DNAH6: variants seen among roughly 807,000 people sequenced by gnomAD.
DNAH6 encodes the protein dynein axonemal heavy chain 6.
In DNAH6, 340 loss-of-function variants were observed where a neutral mutation model predicts 491.4. The observed-to-expected ratio is 0.69, with a 90% CI of 0.63 to 0.76. The LOEUF is 0.76. DNAH6 is among the 30% of genes least tolerant of loss of function. DNAH6 has a pLI of 0.00. For synonymous variants in DNAH6, 1,603 were observed against 1,686.1 expected (o/e 0.95, Z 1.21); for missense variants, 4,443 against 4,972.2 (o/e 0.89, Z 3.20).
At chr2:84,777,317 A>T in intron 64 of DNAH6, 1 of 311,064 alleles carries the variant, frequency 3.2e-6, no homozygotes, top group Non-Finnish European at 6.5e-6. Context: ...CTTCAAACAG[A>T]TCTCTTCCTC....
At chr2:84,711,239 G>A (rs1035241551) in intron 56 of DNAH6, among the ~76,000 whole-genome samples, 2 of 152,186 alleles carry the variant, frequency 1.3e-5, no homozygotes, top group East Asian at 3.9e-4. Flanking sequence ...GATGAGCTCA[G>A]CCATATGCCA....
At position 84,670,478 on chromosome 2, in the gene DNAH6, A is replaced by G. The variant is rs2104665140; in HGVS notation, c.6454+3A>G. On this transcript the variant is annotated splice_donor_region_variant and intron_variant, in intron 39 of 76. Coordinates refer to ENST00000389394, the MANE Select transcript of DNAH6 (RefSeq NM_001370.2). ...GAGAAAAAGAAAAAATATTCTAGGT[A>G]AGAATCATTATTTTAGTTTGTCCCA... 1 of 1,505,436 alleles carries G rather than the reference A, an allele frequency of 6.6e-7. No individual in the cohort carries two copies. The highest frequency in any genetic ancestry group is 1.3e-5 in the South Asian group (1 of 78,302). The allele number at this position is 1,505,436 out of a possible 1,614,324, so 93.3% of individuals were successfully genotyped here.
At chr2:84,511,229 A>T in the DNAH6 span, among the ~76,000 whole-genome samples, 1 of 152,146 alleles carries the variant, frequency 6.6e-6, no homozygotes, top group Non-Finnish European at 1.5e-5. Context: ...ACCCAGTTCG[A>T]GCTTCCTGGC....
intron 76 of DNAH6, among the ~76,000 whole-genome samples, chr2:84,818,843 G>C (rs1573904074): frequency 6.6e-6 from 1 of 152,314 alleles, no homozygotes; most frequent in Admixed American, 6.5e-5. Flanking sequence ...GGAGGCCAAG[G>C]CAAGCGGATC....
chr2:84,565,787 C>T (rs1681136530), intron 11 of DNAH6, among the ~76,000 whole-genome samples: 1 of 151,818 alleles, frequency 6.6e-6, no homozygotes. Context: ...CCAATGTTGG[C>T]TGTGTATATA....
intron 63 of DNAH6, among the ~76,000 whole-genome samples, chr2:84,756,911 A>G (rs191988266): frequency 1.3e-5 from 2 of 152,336 alleles, no homozygotes; most frequent in South Asian, 2.1e-4. Context: ...GCAAAACATA[A>G]TAGAGTCACA....
At chr2:84,782,430 A>G (rs1478733262) in intron 65 of DNAH6, among the ~76,000 whole-genome samples, 1 of 152,168 alleles carries the variant, frequency 6.6e-6, no homozygotes, top group Non-Finnish European at 1.5e-5. Flanking sequence ...TGGAAAGGTG[A>G]AAGCTCTGCA....
At chr2:84,609,020 A>T (rs1421206927) in intron 21 of DNAH6, among the ~76,000 whole-genome samples, 1 of 152,174 alleles carries the variant, frequency 6.6e-6, no homozygotes, top group Non-Finnish European at 1.5e-5. Flanking sequence ...AGCTTCTTTC[A>T]GTCTCACGAA....
At position 84,557,818 on chromosome 2, in the gene DNAH6, T is replaced by C; in HGVS notation, c.1686T>C (p.Ala562=). The C allele has an allele frequency of 2.5e-6, 4 of 1,613,346 alleles. No individual in the cohort carries two copies. Among genetic ancestry groups the C allele is most frequent in the Admixed American group, 1.7e-5 (1 of 59,984 alleles). ...TCGTGCCTGATTCGTATTTTGATGC[T>C]TTCACCAGCCCTTATATTAACAACA... The part of the protein sequence containing the change: ...PNLVPDSYFD[A]FTSPYINNKL... Residue 562 remains alanine, a synonymous_variant, in exon 11 of 77, where the codon GCT becomes GCC. Transcript: ENST00000389394.
At chr2:84,727,964 A>G in intron 61 of DNAH6, 62 bp downstream of exon 61, 1 of 1,053,980 alleles carries the variant, frequency 9.5e-7, no homozygotes, top group Non-Finnish European at 1.4e-6. Flanking sequence ...CCCAAATCTC[A>G]TTTTGAATTG....
Position 84,640,677 on chromosome 2 carries a change from T to A in DNAH6, c.4970+99T>A. The A allele has an allele frequency of 2.5e-6, 3 of 1,185,710 alleles. No individual in the cohort carries two copies. In the South Asian group the frequency reaches 4.9e-5, roughly 19 times the overall value. The allele number at this position is 1,185,710 out of a possible 1,614,324, so 73.4% of individuals were successfully genotyped here. On this transcript the variant is annotated intron_variant, in intron 32 of 76. Coordinates refer to ENST00000389394, the MANE Select transcript of DNAH6 (RefSeq NM_001370.2). ...AGGCTCTCAGAGAGTAACTGATTAATAAATGTTGGCTGCTGCTGTTGTCAT... is the reference window on the plus strand; with the variant it reads ...AGGCTCTCAGAGAGTAACTGATTAAAAAATGTTGGCTGCTGCTGTTGTCAT...
chr2:84,608,422 A>G (rs1685988452), intron 21 of DNAH6, among the ~76,000 whole-genome samples: 1 of 152,230 alleles, frequency 6.6e-6, no homozygotes, highest in Non-Finnish European at 1.5e-5. Flanking sequence ...AAGACTTTCA[A>G]GTTGAAAGTA....
At chr2:84,463,644 AC>A in the DNAH6 span, among the ~76,000 whole-genome samples, 1 of 152,076 alleles carries the variant, frequency 6.6e-6, no homozygotes, top group African/African-American at 2.4e-5. Context: ...ATAAACAGGG[AC>A]AATTAGAGAT....
At chr2:84,740,288 G>A (rs1047098544) in intron 62 of DNAH6, among the ~76,000 whole-genome samples, 1 of 152,078 alleles carries the variant, frequency 6.6e-6, no homozygotes, top group Admixed American at 6.6e-5. Context: ...AGAACTGATG[G>A]GTACAAGCAG....
At chr2:84,607,199 G>A (rs1026495949) in intron 21 of DNAH6, 104 bp downstream of exon 21, 9 of 1,172,420 alleles carry the variant, frequency 7.7e-6, no homozygotes, top group Non-Finnish European at 1.1e-5. Context: ...GTTTTAAAAT[G>A]TAAGTTTTAA....
At chr2:84,630,236 C>G (rs974086944) in intron 29 of DNAH6, among the ~76,000 whole-genome samples, 3 of 152,150 alleles carry the variant, frequency 2.0e-5, no homozygotes, top group Admixed American at 2.0e-4. Flanking sequence ...AACAATATAT[C>G]TAGCAATGGC....
rs367850389 is a variant in DNAH6, at chr2:84,618,493, G to T, written c.3573-1192G>T. 2.7e-3 allele frequency among the ~76,000 whole-genome samples: 417 copies of T among 152,078 alleles called. 1 individual carries two copies. The highest frequency in any genetic ancestry group is 9.2e-3 in the African/African-American group (382 of 41,462). On this transcript the variant is annotated intron_variant, in intron 23 of 76. Coordinates refer to ENST00000389394, the MANE Select transcript of DNAH6 (RefSeq NM_001370.2). ...AGCTTTTCCCTGATGCAGGGATATT[G>T]CTAAGTTGACAATCAACAATCTAGA... is the stretch of plus-strand genomic sequence containing the variant.
Position 84,616,984 on chromosome 2 carries a change from T to C in DNAH6, c.3572+2T>C. 1 of 1,461,628 alleles carries C rather than the reference T, an allele frequency of 6.8e-7. No homozygotes were observed. Among genetic ancestry groups the C allele is most frequent in the Non-Finnish European group, 9.1e-7 (1 of 1,096,808 alleles). The allele number at this position is 1,461,628 out of a possible 1,614,324, so 90.5% of individuals were successfully genotyped here. On this transcript the variant is annotated splice_donor_variant, in intron 23 of 76. Coordinates refer to ENST00000389394, the MANE Select transcript of DNAH6 (RefSeq NM_001370.2). LOFTEE classifies it high-confidence loss of function. Reference sequence around the variant, plus strand: ...ATCAAAAAGAGTTATCTTTCCAAGGTAAGTTTATAAAGCAACCTAAGATAT... The same window carrying C: ...ATCAAAAAGAGTTATCTTTCCAAGGCAAGTTTATAAAGCAACCTAAGATAT...
At chr2:84,461,959 C>T in the DNAH6 span, among the ~76,000 whole-genome samples, 1 of 152,178 alleles carries the variant, frequency 6.6e-6, no homozygotes, top group Non-Finnish European at 1.5e-5. Context: ...CTAGAATTCA[C>T]TGTATGAGGG....
Sources: gnomAD v4.1 joint callset for allele counts (sites outside exome capture counted in the v4.1 genomes callset) on GRCh38, gnomAD v4.1.1 for gene constraint, MANE v1.5 for transcripts, NCBI Gene and HGNC (gene_info 2026-07-23, HGNC 2026-07-21) for gene names.